The following BLTP2 variants were observed in gnomAD, a reference collection of about 807,000 sequenced individuals.
BLTP2 encodes the protein bridge-like lipid transfer protein family member 2.
the BLTP2 span, chr17:28,634,597 C>T: frequency 1.2e-6 from 2 of 1,614,196 alleles, no homozygotes; most frequent in Non-Finnish European, 1.7e-6. Context: ...AAAAGGGCTG[C>T]CTGGATCAAG....
the BLTP2 span, among the ~76,000 whole-genome samples, chr17:28,630,220 G>A: frequency 4.6e-5 from 7 of 151,812 alleles, no homozygotes; most frequent in African/African-American, 7.3e-5. Context: ...GCAGTGATGC[G>A]GTCATGGCTC....
chr17:28,640,098 A>G, the BLTP2 span: 1 of 1,564,640 alleles, frequency 6.4e-7, no homozygotes, highest in Non-Finnish European at 8.6e-7. Flanking sequence ...TATTTTTTAA[A>G]AGTAATTATT....
the BLTP2 span, chr17:28,633,647 T>A: frequency 6.2e-7 from 1 of 1,614,102 alleles, no homozygotes; most frequent in Non-Finnish European, 8.5e-7. Context: ...AAAGGTGGGC[T>A]GGGGTCAGCT....
the BLTP2 span, chr17:28,633,751 G>A: frequency 3.5e-5 from 57 of 1,612,598 alleles, no homozygotes; most frequent in Non-Finnish European, 4.2e-5. Context: ...GAATATTTCC[G>A]CTGGGGTAGA....
At chr17:28,621,192 A>AT in the BLTP2 span, 1 of 1,609,086 alleles carries the variant, frequency 6.2e-7, no homozygotes, top group Non-Finnish European at 8.5e-7. Context: ...TGGGAAAGAG[A>AT]TAAGAAAAAG....
the BLTP2 span, chr17:28,634,075 C>G: frequency 6.2e-7 from 1 of 1,614,106 alleles, no homozygotes; most frequent in Non-Finnish European, 8.5e-7. Context: ...CGTGGATAGT[C>G]CCTGATCCGA....
chr17:28,642,246 A>C, the BLTP2 span: 9 of 1,611,732 alleles, frequency 5.6e-6, no homozygotes, highest in Non-Finnish European at 6.8e-6. Flanking sequence ...GGAGGAAATG[A>C]GGCATCTGAA....
At chr17:28,643,522 T>C in the BLTP2 span, 2 of 1,439,298 alleles carry the variant, frequency 1.4e-6, no homozygotes, top group Non-Finnish European at 2.0e-6. Context: ...CTCCTTGGAT[T>C]GTGATGCCTC....
chr17:28,621,081 T>C, the BLTP2 span: 1 of 1,614,226 alleles, frequency 6.2e-7, no homozygotes, highest in Non-Finnish European at 8.5e-7. Context: ...ATGTCATGGC[T>C]GTAACTAATA....
the BLTP2 span, chr17:28,633,942 G>A: frequency 1.9e-6 from 3 of 1,614,090 alleles, no homozygotes; most frequent in Non-Finnish European, 2.5e-6. Flanking sequence ...CCTCTCCACT[G>A]CCACGTTACC....
At chr17:28,616,022 T>A in the BLTP2 span, 1 of 1,253,244 alleles carries the variant, frequency 8.0e-7, no homozygotes. This position sits in a 1 kb window ranked among gnomAD's most constrained non-coding sequence, Gnocchi z 4.8. Context: ...CCTAGCTGTC[T>A]CCCTGTATAG....
At chr17:28,635,570 G>C in the BLTP2 span, 2 of 1,613,940 alleles carry the variant, frequency 1.2e-6, no homozygotes, top group South Asian at 1.1e-5. Context: ...ATGTGATCTG[G>C]GGGGCTCCAA....
the BLTP2 span, among the ~76,000 whole-genome samples, chr17:28,630,859 AT>A: frequency 1.6e-4 from 24 of 151,416 alleles, no homozygotes; most frequent in Admixed American, 5.9e-4. Flanking sequence ...GGCAGTACCA[AT>A]TTTTTTTTCA....
chr17:28,634,532 C>T, the BLTP2 span: 2 of 1,613,494 alleles, frequency 1.2e-6, no homozygotes, highest in Non-Finnish European at 1.7e-6. Flanking sequence ...AAGCTCTTGA[C>T]ATTGCACTTG....
chr17:28,615,979 G>A, the BLTP2 span: 2 of 1,035,032 alleles, frequency 1.9e-6, no homozygotes, highest in Non-Finnish European at 3.0e-6. Context: ...GGGAACAGCA[G>A]ATTTATCACC....
the BLTP2 span, among the ~76,000 whole-genome samples, chr17:28,629,675 C>T: frequency 3.9e-5 from 6 of 152,216 alleles, no homozygotes; most frequent in Non-Finnish European, 8.8e-5. Context: ...GATGGGGTTT[C>T]ACCATATTGG....
chr17:28,618,946 G>A, the BLTP2 span: 7 of 1,613,656 alleles, frequency 4.3e-6, no homozygotes, highest in African/African-American at 4.0e-5. Flanking sequence ...TTGTTAGCCC[G>A]CTGCAGTTGG....
the BLTP2 span, chr17:28,642,837 G>A: frequency 1.6e-6 from 2 of 1,244,054 alleles, no homozygotes; most frequent in Non-Finnish European, 2.4e-6. Flanking sequence ...GCAAGAATAG[G>A]ACGGCTAGAT....
chr17:28,637,618 C>A, the BLTP2 span, among the ~76,000 whole-genome samples: 1 of 152,176 alleles, frequency 6.6e-6, no homozygotes, highest in Non-Finnish European at 1.5e-5. Flanking sequence ...GCAGACTAAA[C>A]CAACATAATC....
Sources: allele counts gnomAD v4.1 joint callset (sites outside exome capture counted in the v4.1 genomes callset), GRCh38; gene constraint gnomAD v4.1.1; non-coding constraint Gnocchi (gnomAD v3.1); transcripts MANE v1.5; gene names NCBI Gene and HGNC (gene_info 2026-07-23, HGNC 2026-07-21).